The following SULT1C2 variants were observed in gnomAD, a reference collection of about 807,000 sequenced individuals.
The protein encoded by SULT1C2 is sulfotransferase 1C2.
A neutral mutation model predicts 36.0 loss-of-function variants in SULT1C2; 27 were observed. That is an observed-to-expected ratio of 0.75 (90% CI 0.55 to 1.03). The LOEUF (loss-of-function observed/expected upper bound fraction) is 1.03, where lower values mean the gene tolerates loss of function less well. Ranked by LOEUF, SULT1C2 falls within the 50% of genes least tolerant of loss-of-function variation. The pLI, the probability that SULT1C2 is intolerant of heterozygous loss-of-function variation, is 0.00. For missense variants in SULT1C2, 395 were observed against 359.2 expected (o/e 1.10, Z -0.80); for synonymous variants, 121 against 116.0 (o/e 1.04, Z -0.27).
chr2:108,304,750 G>A (rs1676980188), intron 5 of SULT1C2, 50 bp downstream of exon 5: 1 of 1,568,040 alleles, frequency 6.4e-7, no homozygotes, highest in Admixed American at 1.9e-5. Flanking sequence ...GCTAGGCTGG[G>A]TCTAGGGAAC....
At chr2:108,291,370 A>T (rs1676586266) in intron 1 of SULT1C2, among the ~76,000 whole-genome samples, 1 of 152,160 alleles carries the variant, frequency 6.6e-6, no homozygotes, top group African/African-American at 2.4e-5. Context: ...GGACATGCTC[A>T]TTGCCTTAAG....
In SULT1C2 at chr2:108,300,899, G is replaced by A; in HGVS notation, c.339G>A (p.Gln113=). 3 of 1,614,124 alleles carry A rather than the reference G, an allele frequency of 1.9e-6. No individual in the cohort carries two copies. Among genetic ancestry groups the A allele is most frequent in the Non-Finnish European group, 2.5e-6 (3 of 1,180,018 alleles). The change falls in exon 4 of 8, where the codon CAG becomes CAA. Residue 113 remains glutamine, a synonymous_variant. Coordinates refer to ENST00000251481, the MANE Select transcript of SULT1C2 (RefSeq NM_001056.4). ...TACTAAAGACTCACCTTTCCACTCA[G>A]CTGCTGCCACCGTCTTTCTGGGAAA... The part of the protein sequence containing the change: ...PRILKTHLST[Q]LLPPSFWENN...
rs1677085960 is a variant in SULT1C2 at position 108,308,851 on chromosome 2, T to C, written c.*387T>C. On this transcript the variant is annotated 3_prime_UTR_variant, in exon 8 of 8. Transcript: ENST00000251481. The stretch of plus-strand genomic sequence containing the variant: ...ATCTATATTAAAAACAAAATTTCTG[T>C]CATCTGTCCTGGCCATTCAGGCAAC... 6.3e-6 allele frequency: 1 copy of C among 157,574 alleles called. No individual in the cohort carries two copies. The highest frequency in any genetic ancestry group is 1.9e-4 in the East Asian group (1 of 5,384). 9.8% of individuals were successfully genotyped at this position (157,574 alleles called of 1,614,324 possible). A position where few individuals can be genotyped will look rare whatever the true frequency, so the allele number is the denominator to read the frequency against.
intron 4 of SULT1C2, 134 bp downstream of exon 4, chr2:108,301,069 A>G: frequency 8.6e-7 from 1 of 1,159,630 alleles, no homozygotes; most frequent in Non-Finnish European, 1.2e-6. Flanking sequence ...CAAAGAGAAA[A>G]CATAAAGTTC....
Position 108,308,420 on chromosome 2 carries a change from A to C in SULT1C2, c.847A>C (p.Arg283=), listed in dbSNP as rs1320053768. 1 of 1,612,846 alleles carries C rather than the reference A, an allele frequency of 6.2e-7. No individual in the cohort carries two copies. The highest frequency in any genetic ancestry group is 8.5e-7 in the Non-Finnish European group (1 of 1,179,770). ...QNERFDEIYR[R]KMEGTSINFC... ...TGAGAGGTTTGATGAAATCTATAGA[A>C]GAAAGATGGAAGGAACCTCCATAAA... Residue 283 remains arginine, a synonymous_variant, in exon 8 of 8, where the codon AGA becomes CGA. Transcript: ENST00000251481.
chr2:108,294,317 T>G lies in SULT1C2; in HGVS notation c.240T>G (p.His80Gln), dbSNP rs778487894. The G allele has an allele frequency of 1.2e-6, 2 of 1,613,988 alleles. No homozygotes were observed. Among genetic ancestry groups the G allele is most frequent in the Non-Finnish European group, 1.7e-6 (2 of 1,179,942 alleles). Residue 80 changes from histidine (H) to glutamine (Q), a missense_variant, in exon 3 of 8, where the codon CAT (histidine) becomes CAG (glutamine). Physicochemically the swap from His to Gln is conservative, Grantham distance 24. Coordinates refer to ENST00000251481, the MANE Select transcript of SULT1C2 (RefSeq NM_001056.4). The part of the protein sequence containing the change: ...KCQRAIIQHR[H>Q]PFIEWARPPQ... ...AGCGAGCCATCATCCAACACCGCCA[T>G]CCTTTCATTGAGTGGGCTCGGCCAC...
chr2:108,303,108 G>A (rs1676922450), intron 4 of SULT1C2: 2 of 152,252 alleles, frequency 1.3e-5, no homozygotes, highest in South Asian at 2.1e-4. Context: ...GTAAGTTGGA[G>A]AAGAGAAGAT....
rs1677099304 is a variant in SULT1C2 at position 108,309,300 on chromosome 2, T to C, written c.*836T>C. 6.6e-6 allele frequency: 1 copy of C among 151,184 alleles called. No homozygotes were observed. Among genetic ancestry groups the C allele is most frequent in the African/African-American group, 2.4e-5 (1 of 41,404 alleles). 9.4% of individuals were successfully genotyped at this position (151,184 alleles called of 1,614,324 possible). On this transcript the variant is annotated 3_prime_UTR_variant, in exon 8 of 8. Transcript: ENST00000251481. The stretch of plus-strand genomic sequence containing the variant: ...TGTCCCAGTTGCAGCCCTGTTGTTA[T>C]GTATTTACTCTTCAATTTCTTATTT...
chr2:108,304,586 G>C lies in SULT1C2; in HGVS notation c.388G>C (p.Ala130Pro), dbSNP rs1428388936. 6.2e-7 allele frequency: 1 copy of C among 1,603,922 alleles called. No individual in the cohort carries two copies. Among genetic ancestry groups the C allele is most frequent in the Admixed American group, 1.8e-5 (1 of 57,020 alleles). ...WENNCKFLYV[A>P]RNAKDCMVSY... ...TCTTACCCCAAAGTTCCTTTATGTAGCTCGAAATGCCAAAGACTGTATGGT... is the reference window on the plus strand; with the variant it reads ...TCTTACCCCAAAGTTCCTTTATGTACCTCGAAATGCCAAAGACTGTATGGT... The change falls in exon 5 of 8, where the codon GCT becomes CCT. Residue 130 changes from alanine to proline, a missense_variant. Ala to Pro is a conservative substitution (Grantham distance 27). Coordinates refer to ENST00000251481, the MANE Select transcript of SULT1C2 (RefSeq NM_001056.4).
intron 7 of SULT1C2, among the ~76,000 whole-genome samples, chr2:108,308,079 G>T (rs1677065969): frequency 6.6e-6 from 1 of 152,166 alleles, no homozygotes; most frequent in Non-Finnish European, 1.5e-5. Context: ...AATCCATCAG[G>T]TAAATACACT....
In SULT1C2 at chr2:108,305,462, G is replaced by T; in HGVS notation, c.645G>T (p.Lys215Asn). The T allele has an allele frequency of 1.2e-6, 2 of 1,614,150 alleles. No individual in the cohort carries two copies. The highest frequency in any genetic ancestry group is 1.7e-6 in the Non-Finnish European group (2 of 1,180,028). ...AGGTGATGCAGTTCATGGGAAAGAA[G>T]GTGGATGAAACAGTGCTAGATAAAA... ...IRKVMQFMGK[K>N]VDETVLDKIV... The change falls in exon 7 of 8, where the codon AAG (lysine) becomes AAT (asparagine). Residue 215 changes from lysine (K) to asparagine (N), a missense_variant. Transcript: ENST00000251481.
Position 108,294,466 on chromosome 2 carries a change from TC to T in SULT1C2, c.277+114del. On this transcript the variant is annotated intron_variant, in intron 3 of 7. Transcript: ENST00000251481. ...CTCTCCTCTCTCTCTCCCCCATCTCTCCTTCCTCTTCTCTTTCTCTCTCATT... is the reference window on the plus strand; with the variant it reads ...CTCTCCTCTCTCTCTCCCCCATCTCTCTTCCTCTTCTCTTTCTCTCTCATT... The T allele has an allele frequency of 7.1e-6, 9 of 1,271,966 alleles. No homozygotes were observed. The South Asian group carries it at 1.4e-4, about 20-fold the overall frequency. The allele number at this position is 1,271,966 out of a possible 1,614,324, so 78.8% of individuals were successfully genotyped here. A position where few individuals can be genotyped will look rare whatever the true frequency, so the allele number is the denominator to read the frequency against.
chr2:108,291,944 ATAAT>A lies in SULT1C2; in HGVS notation c.-21-1701_-21-1698del, dbSNP rs1250143096. On this transcript the variant is annotated intron_variant, in intron 1 of 7. Coordinates refer to ENST00000251481, the MANE Select transcript of SULT1C2 (RefSeq NM_001056.4). ...TTCTCATATTTGAAAATTTTCATAA[ATAAT>A]TTGTCTTTCGTTTTCCAAAAATTGT... Among the ~76,000 whole-genome samples, 3 of 152,202 alleles carry A rather than the reference ATAAT, an allele frequency of 2.0e-5. No individual in the cohort carries two copies. In the East Asian group the frequency reaches 5.8e-4, roughly 29 times the overall value.
chr2:108,307,186 T>G (rs1677046493), intron 7 of SULT1C2, among the ~76,000 whole-genome samples: 1 of 152,254 alleles, frequency 6.6e-6, no homozygotes, highest in African/African-American at 2.4e-5. Flanking sequence ...CAAAATATTC[T>G]ACCCCTTTTC....
intron 4 of SULT1C2, chr2:108,302,205 G>C (rs543476868): frequency 5.9e-5 from 9 of 152,162 alleles, no homozygotes; most frequent in Non-Finnish European, 1.2e-4. Flanking sequence ...GGATAATCCA[G>C]CAATTTAAGT....
intron 7 of SULT1C2, among the ~76,000 whole-genome samples, 191 bp from the exon 8 acceptor site, chr2:108,308,161 C>T (rs1573257772): frequency 6.6e-6 from 1 of 152,092 alleles, no homozygotes; most frequent in African/African-American, 2.4e-5. Context: ...GAAGTCCATC[C>T]CCCTGCACAG....
intron 5 of SULT1C2, among the ~76,000 whole-genome samples, 163 bp downstream of exon 5, chr2:108,304,863 C>T (rs749685605): frequency 5.3e-5 from 8 of 152,204 alleles, no homozygotes; most frequent in Non-Finnish European, 1.0e-4. Flanking sequence ...TGTATGCCCA[C>T]AGCCCTCAGC....
At chr2:108,306,609 A>T (rs1324607646) in intron 7 of SULT1C2, among the ~76,000 whole-genome samples, 1 of 152,046 alleles carries the variant, frequency 6.6e-6, no homozygotes, top group Non-Finnish European at 1.5e-5. Flanking sequence ...AGCTTTTCTT[A>T]AAAAATAAAC....
chr2:108,292,393 AACACACACACACACACACACAC>A (rs66462427), intron 1 of SULT1C2, among the ~76,000 whole-genome samples: 4 of 133,378 alleles, frequency 3.0e-5, no homozygotes, highest in South Asian at 2.7e-4. Flanking sequence ...CAACAATGAC[AACACACACACACACACACACAC>A]ACACACACAC....
Sources: gnomAD v4.1 joint callset for allele counts (sites outside exome capture counted in the v4.1 genomes callset) on GRCh38, gnomAD v4.1.1 for gene constraint, MANE v1.5 for transcripts, NCBI Gene and HGNC (gene_info 2026-07-23, HGNC 2026-07-21) for gene names.